The following TRIM13 variants were observed in gnomAD, a reference collection of about 807,000 sequenced individuals.
The protein encoded by TRIM13 is tripartite motif containing 13, also known as E3 ubiquitin-protein ligase TRIM13.
Under a neutral mutation model 27.1 loss-of-function variants are expected in TRIM13, and 15 were observed. The ratio of observed to expected loss-of-function variants is 0.55; its 90% CI spans 0.37 to 0.85. The LOEUF (loss-of-function observed/expected upper bound fraction) is 0.85. Among genes scored for constraint, TRIM13 ranks in the 40% least tolerant of loss-of-function variants. The probability of loss-of-function intolerance (pLI) is 0.00; values close to 1 mark genes in which losing one functional copy is unlikely to be tolerated. For synonymous variants in TRIM13, 193 were observed against 171.5 expected (o/e 1.13, Z -0.98); for missense variants, 402 against 472.2 (o/e 0.85, Z 1.38).
chr13:50,008,258 T>TTGATAATGTGATATTGC (rs1345314889), intron 1 of TRIM13, among the ~76,000 whole-genome samples: 8 of 152,194 alleles, frequency 5.3e-5, no homozygotes, highest in African/African-American at 1.7e-4. Context: ...TATGTTATTG[T>TTGATAATGTGATATTGC]TGATAATGTG....
chr13:50,009,218 T>C (rs1875230313), intron 1 of TRIM13, among the ~76,000 whole-genome samples: 1 of 152,138 alleles, frequency 6.6e-6, no homozygotes, highest in African/African-American at 2.4e-5. Context: ...GGCATTGCAA[T>C]AGAGGCCTGT....
chr13:50,010,563 A>G (rs1875505020), intron 1 of TRIM13, among the ~76,000 whole-genome samples: 2 of 152,248 alleles, frequency 1.3e-5, no homozygotes, highest in African/African-American at 2.4e-5. Flanking sequence ...TTCATTATAC[A>G]GTACTCCTTT....
In TRIM13 at chr13:50,012,543, G is replaced by C. The variant is rs370290215; in HGVS notation, c.603G>C (p.Leu201=). 8 of 1,613,970 alleles carry C rather than the reference G, an allele frequency of 5.0e-6. No homozygotes were observed. In the African/African-American group the frequency reaches 1.1e-4, roughly 22 times the overall value. The change falls in exon 2 of 2, where the codon CTG becomes CTC. Residue 201 remains leucine, a synonymous_variant. Coordinates refer to ENST00000378182, the MANE Select transcript of TRIM13 (RefSeq NM_213590.3). ...TGGATCAAAAGAAGAATGAAATTCT[G>C]TCTGACTTTGAGACCATGAAACTTG... ...HTLDQKKNEI[L]SDFETMKLAV... is the part of the protein sequence containing the mutation.
At chr13:50,009,736 CAAAAAAA>C (rs35561642) in intron 1 of TRIM13, among the ~76,000 whole-genome samples, 2 of 101,164 alleles carry the variant, frequency 2.0e-5, no homozygotes, top group Non-Finnish European at 3.7e-5. Context: ...GACTCCGTCT[CAAAAAAA>C]AAAAAAAAAA....
chr13:50,008,880 T>C (rs1875170713), intron 1 of TRIM13, among the ~76,000 whole-genome samples: 1 of 150,192 alleles, frequency 6.7e-6, no homozygotes, highest in African/African-American at 2.5e-5. Flanking sequence ...AAAAAAAAAA[T>C]TAGCTGAGTG....
rs947888094 is a variant in TRIM13 at position 50,014,582 on chromosome 13, C to T, written c.*1418C>T. On this transcript the variant is annotated 3_prime_UTR_variant, in exon 2 of 2. Transcript: ENST00000378182. Reference sequence around the variant, plus strand: ...TTTGACAACAGATAAAACAGTCTGTCAGCTATTACAAAGTAATCAGCTGAA... The same window carrying T: ...TTTGACAACAGATAAAACAGTCTGTTAGCTATTACAAAGTAATCAGCTGAA... 1.8e-5 allele frequency: 3 copies of T among 166,590 alleles called. No homozygotes were observed. The Admixed American group carries it at 2.0e-4, about 11-fold the overall frequency. 10.3% of individuals were successfully genotyped at this position (166,590 alleles called of 1,614,324 possible).
At chr13:50,008,643 A>G (rs953233916) in intron 1 of TRIM13, among the ~76,000 whole-genome samples, 5 of 152,088 alleles carry the variant, frequency 3.3e-5, no homozygotes, top group African/African-American at 1.2e-4. Context: ...GTCTCTCAAA[A>G]TAAGAATTAA....
Position 50,015,282 on chromosome 13 carries a change from G to T in TRIM13, c.*2118G>T, listed in dbSNP as rs377402083. On this transcript the variant is annotated 3_prime_UTR_variant, in exon 2 of 2. Transcript: ENST00000378182. ...TCCTCATCTGTTGCTTTTTCATTTT[G>T]TATACTGCAAGTTCCCAGGCAACTC... The T allele has an allele frequency of 2.2e-6, 1 of 458,564 alleles. No individual in the cohort carries two copies. The highest frequency in any genetic ancestry group is 2.0e-5 in the African/African-American group (1 of 49,424). 28.4% of individuals were successfully genotyped at this position (458,564 alleles called of 1,614,324 possible). A position where few individuals can be genotyped will look rare whatever the true frequency, so the allele number is the denominator to read the frequency against.
intron 1 of TRIM13, 121 bp from the exon 2 acceptor site, chr13:50,011,814 T>A: frequency 1.6e-6 from 2 of 1,229,304 alleles, no homozygotes; most frequent in Admixed American, 2.5e-5. Context: ...TCTCACTACT[T>A]TGTTTGGCTG....
chr13:50,007,117 A>G (rs1874821086), intron 1 of TRIM13, among the ~76,000 whole-genome samples: 3 of 151,124 alleles, frequency 2.0e-5, no homozygotes. Flanking sequence ...CGGGAGGCAG[A>G]GGTTGCAGTG....
chr13:50,006,143 A>G (rs1374774200), intron 1 of TRIM13, among the ~76,000 whole-genome samples: 1 of 148,356 alleles, frequency 6.7e-6, no homozygotes, highest in Non-Finnish European at 1.5e-5. Context: ...TTTTGAAGAT[A>G]CTTTCCAAAT....
At chr13:49,998,035 T>C (rs1020103389) in intron 1 of TRIM13, among the ~76,000 whole-genome samples, 1 of 152,210 alleles carries the variant, frequency 6.6e-6, no homozygotes, top group Non-Finnish European at 1.5e-5. Flanking sequence ...TACTTTTTTT[T>C]CCCTTCTCCT....
chr13:49,997,840 A>G (rs1039344124), intron 1 of TRIM13, 77 bp downstream of exon 1: 1 of 152,092 alleles, frequency 6.6e-6, no homozygotes, highest in Non-Finnish European at 1.5e-5. Flanking sequence ...ACCTTCCAAA[A>G]TGGAACTGTG....
At chr13:50,004,706 G>T (rs945969371) in intron 1 of TRIM13, among the ~76,000 whole-genome samples, 5 of 151,852 alleles carry the variant, frequency 3.3e-5, no homozygotes, top group African/African-American at 1.2e-4. Context: ...AGAGGTTGCT[G>T]GTGGGGAGGT....
intron 1 of TRIM13, among the ~76,000 whole-genome samples, chr13:50,003,237 G>A (rs1006114692): frequency 6.6e-6 from 1 of 152,084 alleles, no homozygotes; most frequent in Non-Finnish European, 1.5e-5. Flanking sequence ...AGATACTTAG[G>A]TACTGTTTTG....
chr13:50,005,721 AGAG>A (rs1390952751), intron 1 of TRIM13, among the ~76,000 whole-genome samples: 14 of 151,406 alleles, frequency 9.2e-5, no homozygotes, highest in Non-Finnish European at 1.6e-4. Flanking sequence ...GAAAGGAAGA[AGAG>A]AAAAGGAAAT....
Position 50,012,328 on chromosome 13 carries a change from T to C in TRIM13, c.388T>C (p.Ser130Pro). Residue 130 changes from serine to proline, a missense_variant, in exon 2 of 2, where the codon TCT (serine) becomes CCT (proline). Coordinates refer to ENST00000378182, the MANE Select transcript of TRIM13 (RefSeq NM_213590.3). ...RGEHTKHVFC[S>P]IEDAYAQERD... ...GGAGCACACCAAACATGTCTTCTGT[T>C]CTATTGAAGATGCCTATGCTCAGGA... 1 of 1,614,152 alleles carries C rather than the reference T, an allele frequency of 6.2e-7. No individual in the cohort carries two copies. The highest frequency in any genetic ancestry group is 8.5e-7 in the Non-Finnish European group (1 of 1,180,012).
In TRIM13 at chr13:50,015,091, AAAAATATATATATATATAT is replaced by A. The variant is rs1440654224; in HGVS notation, c.*1929_*1947del. 4.5e-4 allele frequency: 13 copies of A among 29,068 alleles called. 1 individual carries two copies. Among genetic ancestry groups the A allele is most frequent in the South Asian group, 3.7e-3 (2 of 538 alleles). 1.8% of individuals were successfully genotyped at this position (29,068 alleles called of 1,614,324 possible). A position where few individuals can be genotyped will look rare whatever the true frequency, so the allele number is the denominator to read the frequency against. ...TCCCAGTAATAAAAAAAAAAAAAAAAAAAATATATATATATATATATATATATATATATATATATATATA... is the reference window on the plus strand; with the variant it reads ...TCCCAGTAATAAAAAAAAAAAAAAAAATATATATATATATATATATATATA... On this transcript the variant is annotated 3_prime_UTR_variant, in exon 2 of 2. Transcript: ENST00000378182.
chr13:50,011,025 G>T (rs2138410927), intron 1 of TRIM13, among the ~76,000 whole-genome samples: 1 of 152,270 alleles, frequency 6.6e-6, no homozygotes, highest in East Asian at 1.9e-4. Context: ...GCTGCATCAA[G>T]AACATTCTTA....
Sources: gnomAD v4.1 joint callset for allele counts (sites outside exome capture counted in the v4.1 genomes callset) on GRCh38, gnomAD v4.1.1 for gene constraint, MANE v1.5 for transcripts, NCBI Gene and HGNC (gene_info 2026-07-23, HGNC 2026-07-21) for gene names.